Variants in LRBA observed in about 807,000 individuals in gnomAD.
The protein encoded by LRBA is LPS responsive beige-like anchor protein, also known as lipopolysaccharide-responsive and beige-like anchor protein.
A neutral mutation model predicts 330.0 loss-of-function variants in LRBA; 176 were observed. The ratio of observed to expected loss-of-function variants is 0.53; its 90% confidence interval spans 0.47 to 0.60. The LOEUF (loss-of-function observed/expected upper bound fraction) is 0.60. Among genes scored for constraint, LRBA ranks in the 20% least tolerant of loss-of-function variants. The pLI, the probability that LRBA is intolerant of heterozygous loss-of-function variation, is 0.00. For synonymous variants in LRBA, 1,230 were observed against 1,193.0 expected, an observed-to-expected ratio of 1.03 and a Z score of -0.64; for missense variants, 3,259 against 3,444.8, an observed-to-expected ratio of 0.95 and a Z score of 1.35.
Position 150,592,144 on chromosome 4 carries a change from GTTTTTTTTTTTTT to G in LRBA, c.6047-1298_6047-1286del, listed in dbSNP as rs10685627. ...TTGATATGGAAATCGGATGGCTAGG[GTTTTTTTTTTTTT>G]TTTTTTTTTTTTTGCTCCACTGCAG... On this transcript the variant is annotated intron_variant, in intron 38 of 56. Coordinates refer to ENST00000651943, the MANE Select transcript of LRBA (RefSeq NM_001364905.1). Among the ~76,000 whole-genome samples, 21 of 65,190 alleles carry G rather than the reference GTTTTTTTTTTTTT, an allele frequency of 3.2e-4. 1 individual carries two copies. The highest frequency in any genetic ancestry group is 1.1e-3 in the African/African-American group (16 of 14,526). 42.8% of individuals were successfully genotyped at this position (65,190 alleles called of 152,430 possible). A position where few individuals can be genotyped will look rare whatever the true frequency, so the allele number is the denominator to read the frequency against.
chr4:150,998,353 C>CAA (rs529906804), intron 2 of LRBA, among the ~76,000 whole-genome samples: 2 of 85,180 alleles, frequency 2.3e-5, no homozygotes, highest in Middle Eastern at 7.7e-3. Context: ...AACTCCGTCT[C>CAA]AAAAAAAAAA....
intron 47 of LRBA, among the ~76,000 whole-genome samples, chr4:150,377,154 A>AAG (rs1250524938): frequency 6.6e-6 from 1 of 151,892 alleles, no homozygotes; most frequent in Non-Finnish European, 1.5e-5. Flanking sequence ...AAAAAAAAAA[A>AAG]AAGAAGCTCT....
intron 34 of LRBA, among the ~76,000 whole-genome samples, chr4:150,762,613 T>C (rs1735245673): frequency 6.6e-6 from 1 of 151,884 alleles, no homozygotes; most frequent in Admixed American, 6.6e-5. Flanking sequence ...TGCTCGTGAA[T>C]GCCACTTGTG....
chr4:150,892,914 A>G (rs564561296), intron 17 of LRBA, 138 bp downstream of exon 17: 2 of 541,096 alleles, frequency 3.7e-6, no homozygotes, highest in Admixed American at 6.6e-5. Flanking sequence ...GCATGATTAT[A>G]AATGGGTCTT....
intron 26 of LRBA, 22 bp downstream of exon 26, chr4:150,848,796 C>T (rs1305464570): frequency 1.3e-6 from 2 of 1,555,916 alleles, no homozygotes; most frequent in East Asian, 2.3e-5. Flanking sequence ...TAGTAAATTC[C>T]CAACGGTTTT....
At chr4:150,480,545 TA>T (rs1159275579) in intron 42 of LRBA, among the ~76,000 whole-genome samples, 1 of 152,126 alleles carries the variant, frequency 6.6e-6, no homozygotes, top group Non-Finnish European at 1.5e-5. Flanking sequence ...TAAATAATGC[TA>T]TAGCACATAC....
At chr4:150,478,014 T>C (rs1383137992) in intron 42 of LRBA, among the ~76,000 whole-genome samples, 1 of 152,134 alleles carries the variant, frequency 6.6e-6, no homozygotes, top group Non-Finnish European at 1.5e-5. Flanking sequence ...CCACTCCTGT[T>C]TTTGCTCTTA....
chr4:150,397,615 T>C (rs1744911882), intron 47 of LRBA, among the ~76,000 whole-genome samples: 1 of 152,222 alleles, frequency 6.6e-6, no homozygotes, highest in South Asian at 2.1e-4. Context: ...GTCTCATTTG[T>C]ACAACTAAAA....
intron 31 of LRBA, among the ~76,000 whole-genome samples, chr4:150,810,805 T>C (rs1382489761): frequency 6.6e-6 from 1 of 152,176 alleles, no homozygotes; most frequent in Non-Finnish European, 1.5e-5. Context: ...TCTCATTATG[T>C]TGCCCAGGCG....
intron 40 of LRBA, among the ~76,000 whole-genome samples, chr4:150,500,132 T>C (rs185315299): frequency 3.3e-5 from 5 of 152,268 alleles, no homozygotes; most frequent in Admixed American, 3.3e-4. Flanking sequence ...GAAGAAAGGA[T>C]GTTTGACATG....
chr4:150,657,101 G>A (rs1780268360), intron 37 of LRBA, among the ~76,000 whole-genome samples: 2 of 152,170 alleles, frequency 1.3e-5, no homozygotes, highest in Non-Finnish European at 2.9e-5. Context: ...ACAGAAGGGG[G>A]AAGTACAAGT....
At chr4:150,629,768 C>T (rs1470487509) in intron 37 of LRBA, among the ~76,000 whole-genome samples, 3 of 151,346 alleles carry the variant, frequency 2.0e-5, no homozygotes, top group African/African-American at 7.3e-5. Context: ...TCAGGAGTTC[C>T]AGACCAGCCT....
intron 17 of LRBA, among the ~76,000 whole-genome samples, chr4:150,888,218 A>G (rs1579103707): frequency 6.6e-6 from 1 of 152,328 alleles, no homozygotes; most frequent in East Asian, 1.9e-4. Context: ...TGGAGAGTGA[A>G]GGTCAAATAA....
At chr4:150,484,921 G>A (rs189785765) in intron 42 of LRBA, among the ~76,000 whole-genome samples, 107 of 151,782 alleles carry the variant, frequency 7.0e-4, no homozygotes, top group Admixed American at 1.8e-3. Flanking sequence ...ATGTAGAAGC[G>A]CATTAATTTC....
chr4:151,014,610 C>A lies in LRBA; in HGVS notation c.33G>T (p.Pro11=), dbSNP rs1188716380. The part of the protein sequence containing the change: MASEDNRVPS[P]PPTGDDGGGG... ...CTCCCCCGTCATCACCTGTTGGTGG[C>A]GGGGAAGGGACACGATTGTCTTCGC... is the stretch of plus-strand genomic sequence containing the variant. Residue 11 remains proline (P), a synonymous_variant, in exon 2 of 57, where the codon CCG becomes CCT. Transcript: ENST00000651943. 6.2e-7 allele frequency: 1 copy of A among 1,607,810 alleles called. No individual in the cohort carries two copies. Among genetic ancestry groups the A allele is most frequent in the Admixed American group, 1.7e-5 (1 of 59,296 alleles).
chr4:150,349,054 A>G (rs990342616), intron 48 of LRBA, among the ~76,000 whole-genome samples: 1 of 152,214 alleles, frequency 6.6e-6, no homozygotes, highest in Non-Finnish European at 1.5e-5. Flanking sequence ...GGGCAATTTA[A>G]TGCAAGTGTA....
At position 150,315,627 on chromosome 4, in the gene LRBA, G is replaced by A. The variant is rs762928782; in HGVS notation, c.7631-4C>T. On this transcript the variant is annotated splice_region_variant and splice_polypyrimidine_tract_variant and intron_variant, in intron 50 of 56. Coordinates refer to ENST00000651943, the MANE Select transcript of LRBA (RefSeq NM_001364905.1). ...TCTTGTACAGCACCTTGATGAGCTGGAATTCACAAAAGATAAAGAAAAAAG... is the reference window on the plus strand; with the variant it reads ...TCTTGTACAGCACCTTGATGAGCTGAAATTCACAAAAGATAAAGAAAAAAG... The A allele has an allele frequency of 1.9e-6, 3 of 1,567,506 alleles. No individual in the cohort carries two copies. In the Admixed American group the frequency reaches 6.2e-5, roughly 32 times the overall value.
intron 37 of LRBA, among the ~76,000 whole-genome samples, chr4:150,635,256 C>T (rs1308635294): frequency 2.0e-5 from 3 of 152,186 alleles, no homozygotes; most frequent in Non-Finnish European, 4.4e-5. Context: ...CAACTAAAAC[C>T]ATCACCTATG....
intron 42 of LRBA, among the ~76,000 whole-genome samples, chr4:150,475,372 T>C (rs1756594283): frequency 6.6e-6 from 1 of 152,178 alleles, no homozygotes; most frequent in Non-Finnish European, 1.5e-5. Context: ...CTAGTTTAAA[T>C]ATTTTATTGC....
Sources: allele counts gnomAD v4.1 joint callset (sites outside exome capture counted in the v4.1 genomes callset), GRCh38; gene constraint gnomAD v4.1.1; transcripts MANE v1.5; gene names NCBI Gene and HGNC (gene_info 2026-07-23, HGNC 2026-07-21).